The following FAM107B variants were observed in gnomAD, a reference collection of about 807,000 sequenced individuals.
FAM107B encodes protein FAM107B.
A neutral mutation model predicts 31.5 loss-of-function variants in FAM107B; 21 were observed. The observed-to-expected ratio is 0.67, with a 90% CI of 0.47 to 0.96. The LOEUF is 0.96. Ranked by LOEUF, FAM107B falls within the 40% of genes least tolerant of loss-of-function variation. The pLI, the probability that FAM107B is intolerant of heterozygous loss-of-function variation, is 0.00. For missense variants in FAM107B, 452 were observed against 377.1 expected (o/e 1.20, Z -1.64); for synonymous variants, 157 against 141.5 (o/e 1.11, Z -0.78).
chr10:14,692,032 C>T lies in FAM107B; in HGVS notation c.412-24341G>A, dbSNP rs182566714. Among the ~76,000 whole-genome samples, 11 of 152,186 alleles carry T rather than the reference C, an allele frequency of 7.2e-5. No individual in the cohort carries two copies. The East Asian group carries it at 1.4e-3, about 19-fold the overall frequency. ...TAGACAATCCTTGACCATGACCAAA[C>T]GGTGTTTGGTGAAGAAGAGACAGTT... On this transcript the variant is annotated intron_variant, in intron 1 of 4. Transcript: ENST00000181796.
intron 1 of FAM107B, among the ~76,000 whole-genome samples, chr10:14,674,529 T>C (rs1199114582): frequency 6.6e-6 from 1 of 152,210 alleles, no homozygotes; most frequent in Non-Finnish European, 1.5e-5. Flanking sequence ...ATCCTCTCCC[T>C]GAACTAGGAC....
intron 2 of FAM107B, among the ~76,000 whole-genome samples, chr10:14,621,823 G>A (rs769394924): frequency 7.2e-5 from 11 of 152,102 alleles, no homozygotes; most frequent in Non-Finnish European, 1.5e-4. Flanking sequence ...GGAGTATAAC[G>A]CTTGGAGAGC....
At chr10:14,591,366 G>A (rs1852013534) in intron 2 of FAM107B, among the ~76,000 whole-genome samples, 1 of 152,214 alleles carries the variant, frequency 6.6e-6, no homozygotes, top group African/African-American at 2.4e-5. Flanking sequence ...AACATCCACA[G>A]AAGACCGTGC....
chr10:14,553,378 C>G, intron 2 of FAM107B: 1 of 1,279,960 alleles, frequency 7.8e-7, no homozygotes, highest in South Asian at 1.3e-5. Context: ...TTAGTTTCAA[C>G]TGCATTCTCC....
chr10:14,577,026 A>G (rs1201101233), intron 2 of FAM107B, among the ~76,000 whole-genome samples: 3 of 152,218 alleles, frequency 2.0e-5, no homozygotes, highest in Non-Finnish European at 4.4e-5. Flanking sequence ...TCATATTGTC[A>G]ATGTATGCTT....
intron 2 of FAM107B, among the ~76,000 whole-genome samples, chr10:14,566,332 G>A (rs1376081656): frequency 1.3e-5 from 2 of 152,224 alleles, no homozygotes; most frequent in Non-Finnish European, 2.9e-5. Flanking sequence ...CAAAGGTGAT[G>A]AGATGTCACT....
intron 2 of FAM107B, among the ~76,000 whole-genome samples, chr10:14,614,692 AAAAG>A (rs1852807775): frequency 6.6e-6 from 1 of 151,490 alleles, no homozygotes; most frequent in South Asian, 2.1e-4. Context: ...AAAAAAAAAA[AAAAG>A]AGACTTAGAG....
chr10:14,733,574 TA>T (rs1466322844), intron 1 of FAM107B, among the ~76,000 whole-genome samples: 1 of 152,174 alleles, frequency 6.6e-6, no homozygotes, highest in East Asian at 1.9e-4. Context: ...TTTTAAATAT[TA>T]GAATAAATAC....
chr10:14,725,764 A>G (rs918454792), intron 1 of FAM107B, among the ~76,000 whole-genome samples: 3 of 151,286 alleles, frequency 2.0e-5, no homozygotes, highest in Non-Finnish European at 4.4e-5. Flanking sequence ...TAATTTCATC[A>G]TATGAGAGGT....
intron 4 of FAM107B, 111 bp from the exon 5 acceptor site, chr10:14,521,417 C>G (rs1845622476): frequency 1.2e-6 from 1 of 840,446 alleles, no homozygotes; most frequent in Admixed American, 2.3e-5. Flanking sequence ...AGAATAAATT[C>G]TCTCCTGGTC....
intron 2 of FAM107B, among the ~76,000 whole-genome samples, chr10:14,587,416 G>T (rs1379140945): frequency 6.6e-6 from 1 of 152,250 alleles, no homozygotes; most frequent in East Asian, 1.9e-4. Flanking sequence ...CTTAGCCCTA[G>T]AAGTCAAAAT....
At chr10:14,671,890 A>C (rs1470212578) in intron 1 of FAM107B, among the ~76,000 whole-genome samples, 1 of 149,404 alleles carries the variant, frequency 6.7e-6, no homozygotes, top group Non-Finnish European at 1.5e-5. Flanking sequence ...AAAAACAAAA[A>C]AACAAAAAAA....
At chr10:14,545,314 C>T (rs964819459) in intron 2 of FAM107B, among the ~76,000 whole-genome samples, 3 of 152,126 alleles carry the variant, frequency 2.0e-5, no homozygotes, top group Non-Finnish European at 4.4e-5. Flanking sequence ...CAGGATGCAT[C>T]CCCCTGTTGT....
intron 2 of FAM107B, chr10:14,554,085 A>G (rs1027900119): frequency 3.3e-5 from 32 of 984,440 alleles, no homozygotes; most frequent in Non-Finnish European, 3.9e-5. Context: ...TAATTAATGT[A>G]TAGTAGATAT....
chr10:14,540,779 T>A (rs1009384390), intron 2 of FAM107B, among the ~76,000 whole-genome samples: 3 of 152,214 alleles, frequency 2.0e-5, no homozygotes, highest in Non-Finnish European at 4.4e-5. Context: ...AATGTTCACC[T>A]CAGAATCAAC....
rs1564621080 is a variant in FAM107B at position 14,671,905 on chromosome 10, C to CAAAAAAAA, written c.412-4215_412-4214insTTTTTTTT. Reference sequence around the variant, plus strand: ...AAAAACAAAAAAACAAAAAAAAAACCCTCTATTTCTTTTTAAATCAAACTG... The same window carrying CAAAAAAAA: ...AAAAACAAAAAAACAAAAAAAAAACCAAAAAAAACTCTATTTCTTTTTAAATCAAACTG... On this transcript the variant is annotated intron_variant, in intron 1 of 4. Coordinates refer to ENST00000181796, the MANE Select transcript of FAM107B (RefSeq NM_031453.4). Among the ~76,000 whole-genome samples, 30 of 137,772 alleles carry CAAAAAAAA rather than the reference C, an allele frequency of 2.2e-4. 1 individual carries two copies. The highest frequency in any genetic ancestry group is 8.4e-4 in the African/African-American group (29 of 34,640). 90.4% of individuals were successfully genotyped at this position (137,772 alleles called of 152,430 possible). A position where few individuals can be genotyped will look rare whatever the true frequency, so the allele number is the denominator to read the frequency against.
intron 1 of FAM107B, among the ~76,000 whole-genome samples, chr10:14,763,017 C>T (rs1833088065): frequency 6.6e-6 from 1 of 151,810 alleles, no homozygotes; most frequent in Non-Finnish European, 1.5e-5. Flanking sequence ...AATCCCAGCA[C>T]TTTGGGAGGC....
intron 2 of FAM107B, among the ~76,000 whole-genome samples, chr10:14,543,197 G>A (rs1848383911): frequency 6.6e-6 from 1 of 152,162 alleles, no homozygotes. Flanking sequence ...GTGTCACCCA[G>A]TGGTAAAAGG....
rs1455058375 is a variant in FAM107B at position 14,572,736 on chromosome 10, A to ATATATATATAT, written c.470-42222_470-42221insATATATATATA. Reference sequence around the variant, plus strand: ...CCCCATCTCTTCAAAAAAAAAAAAAAATTTATATATATATATATATATATT... The same window carrying ATATATATATAT: ...CCCCATCTCTTCAAAAAAAAAAAAAATATATATATATATTTATATATATATATATATATATT... On this transcript the variant is annotated intron_variant, in intron 2 of 4. Coordinates refer to ENST00000181796, the MANE Select transcript of FAM107B (RefSeq NM_031453.4). Among the ~76,000 whole-genome samples, 198 of 86,362 alleles carry ATATATATATAT rather than the reference A, an allele frequency of 2.3e-3. 1 individual carries two copies. Among genetic ancestry groups the ATATATATATAT allele is most frequent in the African/African-American group, 7.6e-3 (188 of 24,780 alleles). 56.7% of individuals were successfully genotyped at this position (86,362 alleles called of 152,430 possible).
Sources: allele counts gnomAD v4.1 joint callset (sites outside exome capture counted in the v4.1 genomes callset), GRCh38; gene constraint gnomAD v4.1.1; transcripts MANE v1.5; gene names NCBI Gene and HGNC (gene_info 2026-07-23, HGNC 2026-07-21).